Variants in ELF5 observed in about 807,000 individuals in gnomAD.
ELF5 encodes the protein ETS-related transcription factor Elf-5.
Under a neutral mutation model 38.2 loss-of-function variants are expected in ELF5, and 31 were observed. The observed-to-expected ratio is 0.81, with a 90% confidence interval of 0.61 to 1.10. The LOEUF (loss-of-function observed/expected upper bound fraction) is 1.10, where lower values mean the gene tolerates loss of function less well. ELF5 is among the 50% of genes least tolerant of loss of function. The pLI is 0.00. For synonymous variants in ELF5, 121 were observed against 112.5 expected (o/e 1.08, Z -0.48); for missense variants, 300 against 306.6 (o/e 0.98, Z 0.16).
At chr11:34,508,296 G>A (rs1043804301) in intron 1 of ELF5, among the ~76,000 whole-genome samples, 11 of 152,088 alleles carry the variant, frequency 7.2e-5, no homozygotes, top group Non-Finnish European at 1.0e-4. Flanking sequence ...GAGGTCAGGA[G>A]TTCAAGACCA....
intron 3 of ELF5, among the ~76,000 whole-genome samples, chr11:34,491,443 A>C (rs1850168207): frequency 6.6e-6 from 1 of 152,180 alleles, no homozygotes; most frequent in Non-Finnish European, 1.5e-5. Flanking sequence ...CCACCATTAA[A>C]GGTGGCATTG....
At chr11:34,495,871 T>C (rs1372447006) in intron 2 of ELF5, among the ~76,000 whole-genome samples, 1 of 152,232 alleles carries the variant, frequency 6.6e-6, no homozygotes, top group Non-Finnish European at 1.5e-5. Flanking sequence ...AGCTTTCATC[T>C]ACTGATTTCT....
intron 2 of ELF5, among the ~76,000 whole-genome samples, chr11:34,495,174 G>A (rs111747041): frequency 1.1e-4 from 16 of 152,324 alleles, no homozygotes; most frequent in African/African-American, 3.6e-4. Flanking sequence ...GAGATGGAAC[G>A]TGAAGAGTGG....
intron 1 of ELF5, chr11:34,511,895 GC>G: frequency 3.4e-5 from 12 of 349,370 alleles, no homozygotes; most frequent in South Asian, 1.3e-4. Flanking sequence ...GCCCAATTAA[GC>G]ATCTACACAT....
Position 34,480,937 on chromosome 11 carries a change from A to G in ELF5, c.506T>C (p.Val169Ala). ...TTCAGGAGATAGAAGCAGGTCTCGTACAAATTCCCATAGATGAGAACTTTG... is the reference window on the plus strand; with the variant it reads ...TTCAGGAGATAGAAGCAGGTCTCGTGCAAATTCCCATAGATGAGAACTTTG... ...SLQSSHLWEFVRDLLLSPEEN... is the reference protein window; with the variant it reads ...SLQSSHLWEFARDLLLSPEEN... Residue 169 changes from valine (V) to alanine (A), a missense_variant, in exon 6 of 7, where the codon GTA (valine) becomes GCA (alanine). Physicochemically the swap from Val to Ala is moderately conservative, Grantham distance 64. Transcript: ENST00000257832. 6.2e-7 allele frequency: 1 copy of G among 1,613,942 alleles called. No individual in the cohort carries two copies. Among genetic ancestry groups the G allele is most frequent in the South Asian group, 1.1e-5 (1 of 91,020 alleles).
At chr11:34,501,472 C>G (rs182955707) in intron 2 of ELF5, among the ~76,000 whole-genome samples, 1 of 152,104 alleles carries the variant, frequency 6.6e-6, no homozygotes, top group Non-Finnish European at 1.5e-5. Flanking sequence ...AAAGTAGTGG[C>G]AAGGCCAGGG....
intron 4 of ELF5, among the ~76,000 whole-genome samples, chr11:34,485,780 G>C (rs764445978): frequency 1.3e-5 from 2 of 152,172 alleles, no homozygotes; most frequent in Non-Finnish European, 2.9e-5. Flanking sequence ...GGGGGCCAAA[G>C]TCATTACTGC....
At chr11:34,510,349 T>C (rs1383096228) in intron 1 of ELF5, among the ~76,000 whole-genome samples, 1 of 151,610 alleles carries the variant, frequency 6.6e-6, no homozygotes, top group African/African-American at 2.4e-5. Context: ...GGAGTGGGTG[T>C]TATTAACTCT....
intron 2 of ELF5, among the ~76,000 whole-genome samples, chr11:34,496,475 C>T (rs79147462): frequency 0.022 from 3,421 of 152,346 alleles, 132 homozygotes; most frequent in African/African-American, 0.078. Flanking sequence ...CCCCTCCTCA[C>T]CAGCCCCTCT....
intron 1 of ELF5, chr11:34,511,582 C>A (rs1036946045): frequency 6.2e-7 from 1 of 1,614,020 alleles, no homozygotes. Context: ...AAGCTGAGGT[C>A]CCCAGATGCC....
chr11:34,509,079 CAG>C (rs1357200208), intron 1 of ELF5, among the ~76,000 whole-genome samples: 1 of 152,138 alleles, frequency 6.6e-6, no homozygotes, highest in Non-Finnish European at 1.5e-5. Flanking sequence ...CCTGTAATCC[CAG>C]CACTTTGGAA....
intron 1 of ELF5, among the ~76,000 whole-genome samples, chr11:34,512,114 C>T (rs961137871): frequency 6.6e-6 from 1 of 152,150 alleles, no homozygotes; most frequent in African/African-American, 2.4e-5. Context: ...GTCAATTTCC[C>T]AGCCCTTGGA....
intron 2 of ELF5, among the ~76,000 whole-genome samples, chr11:34,495,196 G>A (rs1196446720): frequency 1.3e-5 from 2 of 152,208 alleles, no homozygotes; most frequent in African/African-American, 4.8e-5. Context: ...TGAGGCACGG[G>A]GAAAGCTGGA....
chr11:34,490,490 C>CTA (rs1850138526), intron 3 of ELF5, among the ~76,000 whole-genome samples: 1 of 152,150 alleles, frequency 6.6e-6, no homozygotes, highest in African/African-American at 2.4e-5. Flanking sequence ...GGCTAAGAGT[C>CTA]TATAGTCTCT....
chr11:34,510,162 A>G (rs1233647769), intron 1 of ELF5, among the ~76,000 whole-genome samples: 1 of 152,222 alleles, frequency 6.6e-6, no homozygotes, highest in African/African-American at 2.4e-5. Context: ...ACAATGCTGT[A>G]TCTGATTCCC....
chr11:34,505,809 A>C lies in ELF5; in HGVS notation c.-4-56T>G, dbSNP rs974936086. ...TGGGGTGAGGTACTCCTGAAGCCACACTGTGCAGGAGCCCCTAGCAGGGCG... is the reference window on the plus strand; with the variant it reads ...TGGGGTGAGGTACTCCTGAAGCCACCCTGTGCAGGAGCCCCTAGCAGGGCG... On this transcript the variant is annotated intron_variant, in intron 1 of 6. Coordinates refer to ENST00000257832, the MANE Select transcript of ELF5 (RefSeq NM_001422.4). 7.6e-6 allele frequency: 12 copies of C among 1,587,684 alleles called. No homozygotes were observed. The Admixed American group carries it at 2.0e-4, about 27-fold the overall frequency.
Position 34,493,647 on chromosome 11 carries a change from G to A in ELF5, c.187C>T (p.Leu63Phe). Residue 63 changes from leucine to phenylalanine, a missense_variant, in exon 3 of 7, where the codon CTC becomes TTC. Leu to Phe is a conservative substitution (Grantham distance 22, BLOSUM62 0). Coordinates refer to ENST00000257832, the MANE Select transcript of ELF5 (RefSeq NM_001422.4). The stretch of plus-strand genomic sequence containing the variant: ...TTGTACTGGTCGCAGCAGAACTGGA[G>A]CCACTCCCACACATGGCGCTTAGTC... ...YWTKRHVWEWLQFCCDQYKLD... is the reference protein window; with the variant it reads ...YWTKRHVWEWFQFCCDQYKLD... 6.2e-7 allele frequency: 1 copy of A among 1,614,236 alleles called. No homozygotes were observed. Among genetic ancestry groups the A allele is most frequent in the African/African-American group, 1.3e-5 (1 of 75,070 alleles).
chr11:34,492,636 C>G (rs1208652105), intron 3 of ELF5: 1 of 152,146 alleles, frequency 6.6e-6, no homozygotes, highest in African/African-American at 2.4e-5. Context: ...ATATGCTGTT[C>G]TAGGTAATAT....
chr11:34,501,029 CT>C, intron 2 of ELF5, among the ~76,000 whole-genome samples: 1 of 152,334 alleles, frequency 6.6e-6, no homozygotes, highest in East Asian at 1.9e-4. Context: ...ATGAAGTCCT[CT>C]GTCATGTTAC....
Sources: allele counts gnomAD v4.1 joint callset (sites outside exome capture counted in the v4.1 genomes callset), GRCh38; gene constraint gnomAD v4.1.1; transcripts MANE v1.5; gene names NCBI Gene and HGNC (gene_info 2026-07-23, HGNC 2026-07-21).